TRPC6: variants seen among roughly 807,000 people sequenced by gnomAD.
The protein encoded by TRPC6 is transient receptor potential cation channel subfamily C member 6.
Under a neutral mutation model 90.7 loss-of-function variants are expected in TRPC6, and 55 were observed. That is an observed-to-expected ratio of 0.61 (90% CI 0.49 to 0.76). The LOEUF (loss-of-function observed/expected upper bound fraction) is 0.76, where lower values mean the gene tolerates loss of function less well. Ranked by LOEUF, TRPC6 falls within the 30% of genes least tolerant of loss-of-function variation. The pLI is 0.00. For missense variants in TRPC6, 989 were observed against 1,122.7 expected, an observed-to-expected ratio of 0.88 and a Z score of 1.70; for synonymous variants, 393 against 393.0, an observed-to-expected ratio of 1.00 and a Z score of 0.00.
intron 10 of TRPC6, among the ~76,000 whole-genome samples, chr11:101,463,937 G>T (rs894510134): frequency 1.3e-5 from 2 of 152,092 alleles, no homozygotes; most frequent in Non-Finnish European, 2.9e-5. Flanking sequence ...TCTCTTGTGG[G>T]CATTTAGTGC....
intron 1 of TRPC6, among the ~76,000 whole-genome samples, chr11:101,560,890 T>C (rs1255143545): frequency 3.3e-5 from 5 of 152,006 alleles, no homozygotes; most frequent in Admixed American, 6.6e-5. Context: ...TTAATGTTGG[T>C]GAGGGAAGGC....
chr11:101,467,619 C>T (rs556133058), intron 10 of TRPC6, among the ~76,000 whole-genome samples: 30 of 152,274 alleles, frequency 2.0e-4, no homozygotes, highest in African/African-American at 7.2e-4. Flanking sequence ...TTCCGTGTTT[C>T]CTATGTATTC....
rs771163499 is a variant in TRPC6 at position 101,476,321 on chromosome 11, T to C, written c.1724A>G (p.Asn575Ser). ...KDLTKVTLGD[N>S]VKYYNLARIK... ...CTCACCCAAATTGTAGTATTTCACA[T>C]TGTCTCCCAATGTTACTTTCGTCAA... Residue 575 changes from asparagine to serine, a missense_variant, in exon 6 of 13, where the codon AAT becomes AGT. Physicochemically the swap from Asn to Ser is conservative, Grantham distance 46 (BLOSUM62 1). Transcript: ENST00000344327. 1.9e-6 allele frequency: 3 copies of C among 1,613,918 alleles called. No homozygotes were observed. Among genetic ancestry groups the C allele is most frequent in the East Asian group, 2.2e-5 (1 of 44,880 alleles).
chr11:101,547,387 C>A (rs1346577389), intron 1 of TRPC6, among the ~76,000 whole-genome samples: 1 of 152,100 alleles, frequency 6.6e-6, no homozygotes, highest in Non-Finnish European at 1.5e-5. Context: ...AATAACAAAG[C>A]ATCTCAAGTA....
At chr11:101,515,589 C>T (rs903723507) in intron 1 of TRPC6, among the ~76,000 whole-genome samples, 1 of 130,554 alleles carries the variant, frequency 7.7e-6, no homozygotes. Flanking sequence ...GGAGAGCACC[C>T]TAGTTTGTCA....
chr11:101,513,179 A>C (rs1286744498), intron 1 of TRPC6, among the ~76,000 whole-genome samples: 1 of 152,134 alleles, frequency 6.6e-6, no homozygotes, highest in Non-Finnish European at 1.5e-5. Context: ...GGGAACTGAT[A>C]CTCTGACCTC....
chr11:101,473,561 A>C lies in TRPC6; in HGVS notation c.1957T>G (p.Phe653Val). ...MVFVAFMIGMFNLYSYYIGAK... is the reference protein window; with the variant it reads ...MVFVAFMIGMVNLYSYYIGAK... ...CCAATGTAGTAGGAGTAGAGATTGAACATTCCAATCATAAAGGCCACAAAC... is the reference window on the plus strand; with the variant it reads ...CCAATGTAGTAGGAGTAGAGATTGACCATTCCAATCATAAAGGCCACAAAC... Residue 653 changes from phenylalanine (F) to valine (V), a missense_variant, in exon 7 of 13, where the codon TTC becomes GTC. Phe to Val is a conservative substitution (Grantham distance 50). Coordinates refer to ENST00000344327, the MANE Select transcript of TRPC6 (RefSeq NM_004621.6). 1 of 1,613,690 alleles carries C rather than the reference A, an allele frequency of 6.2e-7. No homozygotes were observed. The highest frequency in any genetic ancestry group is 8.5e-7 in the Non-Finnish European group (1 of 1,179,758).
intron 10 of TRPC6, among the ~76,000 whole-genome samples, chr11:101,464,553 T>C (rs747278102): frequency 5.3e-5 from 8 of 152,160 alleles, no homozygotes; most frequent in Non-Finnish European, 1.2e-4. Flanking sequence ...ATGCCCTTCA[T>C]TGTCTTTTGT....
chr11:101,554,732 C>T (rs1310087864), intron 1 of TRPC6, among the ~76,000 whole-genome samples: 2 of 152,166 alleles, frequency 1.3e-5, no homozygotes, highest in African/African-American at 4.8e-5. Flanking sequence ...CAACAAAATT[C>T]TTTATTAACT....
chr11:101,536,400 C>T (rs1324441796), intron 1 of TRPC6, among the ~76,000 whole-genome samples: 1 of 139,332 alleles, frequency 7.2e-6, no homozygotes, highest in Admixed American at 7.3e-5. Context: ...GCCCCTCCCT[C>T]CCCCCCACCA....
intron 1 of TRPC6, among the ~76,000 whole-genome samples, chr11:101,560,050 T>G (rs1215914281): frequency 1.3e-5 from 2 of 152,156 alleles, no homozygotes; most frequent in African/African-American, 4.8e-5. Context: ...AAAACCTGTA[T>G]GACAACAAGA....
chr11:101,540,467 G>A (rs1861143435), intron 1 of TRPC6, among the ~76,000 whole-genome samples: 1 of 152,154 alleles, frequency 6.6e-6, no homozygotes, highest in Admixed American at 6.5e-5. Context: ...TGCATTTCCT[G>A]GGCATATGTA....
At position 101,483,301 on chromosome 11, in the gene TRPC6, G is replaced by A. The variant is rs11826302; in HGVS notation, c.1294-136C>T. The A allele has an allele frequency of 0.076, 83,154 of 1,096,262 alleles. 3,576 individuals are homozygous for A. Among genetic ancestry groups the A allele is most frequent in the Middle Eastern group, 0.15 (768 of 5,064 alleles). 67.9% of individuals were successfully genotyped at this position (1,096,262 alleles called of 1,614,324 possible). ...ATAATTGTTTATATTTATGTAATTC[G>A]TGATAGAGTAATATCTTTATGCTGT... On this transcript the variant is annotated intron_variant, in intron 4 of 12. Coordinates refer to ENST00000344327, the MANE Select transcript of TRPC6 (RefSeq NM_004621.6).
chr11:101,508,409 G>C (rs1346749432), intron 1 of TRPC6, among the ~76,000 whole-genome samples: 1 of 152,112 alleles, frequency 6.6e-6, no homozygotes, highest in Non-Finnish European at 1.5e-5. Context: ...TGAGTTTCTA[G>C]AAGAATCACA....
At chr11:101,453,765 G>A (rs1324201635) in intron 11 of TRPC6, 40 bp from the exon 12 acceptor site, 6 of 1,578,618 alleles carry the variant, frequency 3.8e-6, no homozygotes, top group Non-Finnish European at 5.2e-6. Context: ...TCAGTTTCAG[G>A]TTCATGACAA....
chr11:101,461,818 C>T (rs1859011563), intron 10 of TRPC6, among the ~76,000 whole-genome samples: 1 of 152,154 alleles, frequency 6.6e-6, no homozygotes, highest in Non-Finnish European at 1.5e-5. Context: ...GTTAGTTTGC[C>T]TCTTCCTGGT....
At chr11:101,472,869 T>TCA (rs1859324505) in intron 7 of TRPC6, among the ~76,000 whole-genome samples, 1 of 152,154 alleles carries the variant, frequency 6.6e-6, no homozygotes, top group Non-Finnish European at 1.5e-5. Flanking sequence ...AACTGTATTT[T>TCA]AGAGAAATAT....
At chr11:101,496,540 A>C (rs1859953507) in intron 2 of TRPC6, among the ~76,000 whole-genome samples, 1 of 152,202 alleles carries the variant, frequency 6.6e-6, no homozygotes, top group African/African-American at 2.4e-5. Flanking sequence ...AATTGAAGAA[A>C]AACATTTTCC....
chr11:101,470,823 C>A (rs1486724602), intron 9 of TRPC6, among the ~76,000 whole-genome samples: 2 of 118,098 alleles, frequency 1.7e-5, no homozygotes, highest in Admixed American at 9.7e-5. Context: ...CCCCCCTCCC[C>A]GAGTCATAAC....
Sources: gnomAD v4.1 joint callset for allele counts (sites outside exome capture counted in the v4.1 genomes callset) on GRCh38, gnomAD v4.1.1 for gene constraint, MANE v1.5 for transcripts, NCBI Gene and HGNC (gene_info 2026-07-23, HGNC 2026-07-21) for gene names.